ST6GALNAC1: variants seen among roughly 807,000 people sequenced by gnomAD.
The protein encoded by ST6GALNAC1 is ST6 N-acetylgalactosaminide alpha-2,6-sialyltransferase 1, also known as alpha-N-acetylgalactosaminide alpha-2,6-sialyltransferase 1.
A neutral mutation model predicts 56.8 loss-of-function variants in ST6GALNAC1; 45 were observed. The observed-to-expected ratio is 0.79, with a 90% CI of 0.62 to 1.02. The LOEUF is 1.02. Ranked by LOEUF, ST6GALNAC1 falls within the 50% of genes least tolerant of loss-of-function variation. The probability of loss-of-function intolerance (pLI) is 0.00; values close to 1 mark genes in which losing one functional copy is unlikely to be tolerated. For synonymous variants in ST6GALNAC1, 295 were observed against 297.8 expected (o/e 0.99, Z 0.10); for missense variants, 743 against 754.8 (o/e 0.98, Z 0.18).
intron 1 of ST6GALNAC1, among the ~76,000 whole-genome samples, chr17:76,630,646 C>G (rs1425365792): frequency 6.7e-6 from 1 of 148,344 alleles, no homozygotes; most frequent in Non-Finnish European, 1.5e-5. Context: ...AGTGCAGTGG[C>G]GCGATCTTGG....
intron 1 of ST6GALNAC1, among the ~76,000 whole-genome samples, chr17:76,633,080 G>A (rs558807302): frequency 9.2e-5 from 14 of 152,068 alleles, no homozygotes; most frequent in African/African-American, 2.4e-5. Context: ...GTGTTGGCAC[G>A]CACCTGTAAT....
intron 1 of ST6GALNAC1, among the ~76,000 whole-genome samples, chr17:76,637,280 A>AAAAAAAAAAAAAAAAAAAAT (rs2075989634): frequency 6.8e-6 from 1 of 148,074 alleles, no homozygotes; most frequent in Non-Finnish European, 1.5e-5. Context: ...ACTAAAAAAA[A>AAAAAAAAAAAAAAAAAAAAT]AAAAAAAAAA....
At chr17:76,624,490 T>A (rs1471579389), downstream of ST6GALNAC1, among the ~76,000 whole-genome samples, 1 of 152,176 alleles carries the variant, frequency 6.6e-6, no homozygotes, top group Non-Finnish European at 1.5e-5. Flanking sequence ...CCTCAAGTGA[T>A]CTGCCTGCCT....
rs755904228 is a variant in ST6GALNAC1, at chr17:76,627,067, C to T, written c.1172G>A (p.Arg391Gln). The change falls in exon 4 of 9, where the codon CGA (arginine) becomes CAA (glutamine). Residue 391 changes from arginine (R) to glutamine (Q), a missense_variant and splice_region_variant. By Grantham distance (43) the Arg-to-Gln change is conservative. Transcript: ENST00000156626. This position sits in a 1 kb window ranked among gnomAD's most constrained non-coding sequence, Gnocchi z 4.4. ...QEIDSHDYVF[R>Q]LSGALIKGYE... ...GGGAGCTTGGGTGGGGACAGCTTAC[C>T]GGAACACGTAGTCGTGACTGTCTAT... 50 of 1,542,518 alleles carry T rather than the reference C, an allele frequency of 3.2e-5. No homozygotes were observed. Among genetic ancestry groups the T allele is most frequent in the African/African-American group, 5.5e-5 (4 of 72,786 alleles).
At position 76,625,698 on chromosome 17, in the gene ST6GALNAC1, C is replaced by T. The variant is rs2075787179; in HGVS notation, c.1605+121G>A. ...ATAACTGCATGCACCCATACTCATG[C>T]CCACCCTCTTTCCCAGCAGATGTGG... is the stretch of plus-strand genomic sequence containing the variant. On this transcript the variant is annotated intron_variant, in intron 8 of 8. Transcript: ENST00000156626. The T allele has an allele frequency of 1.3e-5, 15 of 1,150,520 alleles. No individual in the cohort carries two copies. In the South Asian group the frequency reaches 2.1e-4, roughly 16 times the overall value. The allele number at this position is 1,150,520 out of a possible 1,614,324, so 71.3% of individuals were successfully genotyped here. A position where few individuals can be genotyped will look rare whatever the true frequency, so the allele number is the denominator to read the frequency against.
intron 1 of ST6GALNAC1, 85 bp downstream of exon 1, chr17:76,643,423 G>T: frequency 2.0e-6 from 3 of 1,497,874 alleles, no homozygotes; most frequent in Non-Finnish European, 2.7e-6. Flanking sequence ...AGGTGGCTCA[G>T]ACTTCCCCAG....
Position 76,627,067 on chromosome 17 carries a change from C to A in ST6GALNAC1, c.1172G>T (p.Arg391Leu). The A allele has an allele frequency of 6.5e-7, 1 of 1,542,636 alleles. No individual in the cohort carries two copies. Among genetic ancestry groups the A allele is most frequent in the Non-Finnish European group, 8.7e-7 (1 of 1,145,848 alleles). ...QEIDSHDYVF[R>L]LSGALIKGYE... ...GGGAGCTTGGGTGGGGACAGCTTAC[C>A]GGAACACGTAGTCGTGACTGTCTAT... Residue 391 changes from arginine to leucine, a missense_variant and splice_region_variant, in exon 4 of 9, where the codon CGA becomes CTA. Physicochemically the swap from Arg to Leu is moderately radical, Grantham distance 102. Transcript: ENST00000156626. This position sits in a 1 kb window ranked among gnomAD's most constrained non-coding sequence, Gnocchi z 4.4.
intron 2 of ST6GALNAC1, among the ~76,000 whole-genome samples, chr17:76,628,788 G>A (rs2075848417): frequency 6.6e-6 from 1 of 152,200 alleles, no homozygotes. Flanking sequence ...CACACCAGGG[G>A]TCCGGGGCCT....
chr17:76,641,862 C>T (rs528553735), intron 1 of ST6GALNAC1: 1 of 152,132 alleles, frequency 6.6e-6, no homozygotes, highest in African/African-American at 2.4e-5. Context: ...TATGTCCCGA[C>T]ATGGAAAGAT....
rs1555633762 is a variant in ST6GALNAC1 at position 76,625,435 on chromosome 17, G to C, written c.1698C>G (p.Asn566Lys). Residue 566 changes from asparagine (N) to lysine (K), a missense_variant, in exon 9 of 9, where the codon AAC becomes AAG. Coordinates refer to ENST00000156626, the MANE Select transcript of ST6GALNAC1 (RefSeq NM_018414.5). Reference protein sequence around the residue: ...TSWKRLIFYINHDFKLEREVW... With the variant: ...TSWKRLIFYIKHDFKLEREVW... The stretch of plus-strand genomic sequence containing the variant: ...CTTCTCTCTCCAGCTTGAAGTCATG[G>C]TTTATGTAAAAGATCAGCCGCTTCC... 6.2e-7 allele frequency: 1 copy of C among 1,614,160 alleles called. No individual in the cohort carries two copies. The highest frequency in any genetic ancestry group is 1.1e-5 in the South Asian group (1 of 91,088).
chr17:76,639,638 A>AC (rs2076020185), intron 1 of ST6GALNAC1, among the ~76,000 whole-genome samples: 2 of 125,170 alleles, frequency 1.6e-5, no homozygotes, highest in South Asian at 3.0e-4. Context: ...TTACATGATA[A>AC]ACACACACAC....
chr17:76,636,866 G>A, intron 1 of ST6GALNAC1, among the ~76,000 whole-genome samples: 1 of 152,188 alleles, frequency 6.6e-6, no homozygotes, highest in South Asian at 2.1e-4. Context: ...AGATCAGATT[G>A]TTACTGTGTC....
intron 1 of ST6GALNAC1, among the ~76,000 whole-genome samples, chr17:76,631,065 CTGTG>C (rs34663902): frequency 0.026 from 3,770 of 146,666 alleles, 113 homozygotes; most frequent in African/African-American, 0.072. Flanking sequence ...CAGCTAATCT[CTGTG>C]TGTGTGTGTG....
the ST6GALNAC1 span, among the ~76,000 whole-genome samples, chr17:76,619,625 C>G: frequency 6.6e-6 from 1 of 152,092 alleles, no homozygotes; most frequent in Non-Finnish European, 1.5e-5. Flanking sequence ...AACAAACCTA[C>G]CCACCAACTA....
chr17:76,633,263 C>T (rs1470852712), intron 1 of ST6GALNAC1, among the ~76,000 whole-genome samples: 4 of 152,106 alleles, frequency 2.6e-5, no homozygotes, highest in Non-Finnish European at 5.9e-5. Flanking sequence ...GTAATCCCAG[C>T]ACTTTGGGAG....
At chr17:76,637,581 C>A (rs1023750644) in intron 1 of ST6GALNAC1, 6 of 397,334 alleles carry the variant, frequency 1.5e-5, no homozygotes, top group South Asian at 2.6e-4. Context: ...ACAAAAAAAA[C>A]CCAAAAAAAG....
intron 1 of ST6GALNAC1, among the ~76,000 whole-genome samples, chr17:76,632,386 G>T (rs2075916009): frequency 6.6e-6 from 1 of 152,052 alleles, no homozygotes; most frequent in East Asian, 1.9e-4. Context: ...AGCATGGACA[G>T]CTGGCCGTCT....
chr17:76,622,568 T>C (rs1344529727), downstream of ST6GALNAC1, among the ~76,000 whole-genome samples: 3 of 152,104 alleles, frequency 2.0e-5, no homozygotes. Context: ...TTTCGCCATG[T>C]TGGCCAGAAT....
Position 76,627,126 on chromosome 17 carries a change from C to T in ST6GALNAC1, c.1113G>A (p.Gly371=), listed in dbSNP as rs141334927. The change falls in exon 4 of 9, where the codon GGG becomes GGA. Residue 371 remains glycine, a synonymous_variant. Coordinates refer to ENST00000156626, the MANE Select transcript of ST6GALNAC1 (RefSeq NM_018414.5). The surrounding 1 kb of genome is among the most constrained non-coding windows in gnomAD (Gnocchi z 4.4). ...RCITCAVVGN[G]GILNNSHMGQ... is the part of the protein sequence containing the mutation. ...CCATGTGGGAGTTGTTCAGGATGCC[C>T]CCGTTGCCCACCACGGCACAGGTGA... The T allele has an allele frequency of 6.8e-5, 108 of 1,596,226 alleles. 1 individual carries two copies. The African/African-American group carries it at 1.4e-3, about 21-fold the overall frequency.
Sources: allele counts gnomAD v4.1 joint callset (sites outside exome capture counted in the v4.1 genomes callset), GRCh38; gene constraint gnomAD v4.1.1; non-coding constraint Gnocchi (gnomAD v3.1); transcripts MANE v1.5; gene names NCBI Gene and HGNC (gene_info 2026-07-23, HGNC 2026-07-21).